Variants in KCNK13 observed in about 807,000 individuals in gnomAD.
The protein encoded by KCNK13 is potassium channel subfamily K member 13.
Under a neutral mutation model 23.4 loss-of-function variants are expected in KCNK13, and 12 were observed. That is an observed-to-expected ratio of 0.51 (90% confidence interval 0.33 to 0.83). KCNK13 has a LOEUF of 0.83. KCNK13 is among the 40% of genes least tolerant of loss of function. The probability of loss-of-function intolerance (pLI) is 0.02; values close to 1 mark genes in which losing one functional copy is unlikely to be tolerated. For missense variants in KCNK13, 463 were observed against 556.3 expected (o/e 0.83, Z 1.69); for synonymous variants, 231 against 229.5 (o/e 1.01, Z -0.06).
intron 1 of KCNK13, among the ~76,000 whole-genome samples, chr14:90,174,861 T>TTAAA (rs765847136): frequency 4.0e-5 from 6 of 151,706 alleles, no homozygotes; most frequent in African/African-American, 1.2e-4. Context: ...TTCAAAAAAA[T>TTAAA]TAAATAAATA....
At chr14:90,073,828 G>A (rs998413250) in intron 1 of KCNK13, among the ~76,000 whole-genome samples, 5 of 151,816 alleles carry the variant, frequency 3.3e-5, no homozygotes, top group African/African-American at 1.2e-4. Context: ...GTGCCACCAC[G>A]CCCAGCTAAT....
intron 1 of KCNK13, among the ~76,000 whole-genome samples, chr14:90,160,856 A>G (rs1037684245): frequency 2.6e-5 from 4 of 151,910 alleles, no homozygotes; most frequent in Non-Finnish European, 4.4e-5. Flanking sequence ...AAAAAAAAAA[A>G]AAAGAAAAAG....
At chr14:90,081,553 G>T (rs1276575017) in intron 1 of KCNK13, among the ~76,000 whole-genome samples, 1 of 152,016 alleles carries the variant, frequency 6.6e-6, no homozygotes, top group East Asian at 1.9e-4. Flanking sequence ...ACCTACTGAT[G>T]GTTCTTCTTT....
At chr14:90,178,471 G>A (rs1400560017) in intron 1 of KCNK13, among the ~76,000 whole-genome samples, 1 of 151,490 alleles carries the variant, frequency 6.6e-6, no homozygotes, top group African/African-American at 2.4e-5. Context: ...TGTATTTTTA[G>A]TAGAGGAGGG....
chr14:90,077,952 T>G (rs1192316991), intron 1 of KCNK13, among the ~76,000 whole-genome samples: 2 of 152,206 alleles, frequency 1.3e-5, no homozygotes, highest in Non-Finnish European at 2.9e-5. Context: ...ACATTTATCA[T>G]TTTCCTCAGT....
intron 1 of KCNK13, among the ~76,000 whole-genome samples, chr14:90,070,517 T>G (rs979117965): frequency 6.6e-6 from 1 of 152,260 alleles, no homozygotes; most frequent in African/African-American, 2.4e-5. Flanking sequence ...TGTCATATTT[T>G]TCATCCTTTA....
At chr14:90,072,401 GGA>G (rs777870885) in intron 1 of KCNK13, among the ~76,000 whole-genome samples, 6 of 152,138 alleles carry the variant, frequency 3.9e-5, no homozygotes, top group Admixed American at 2.0e-4. Flanking sequence ...CTTGTGCCCT[GGA>G]GAGAGCAGCC....
At chr14:90,137,325 T>A (rs1030871245) in intron 1 of KCNK13, among the ~76,000 whole-genome samples, 7 of 151,688 alleles carry the variant, frequency 4.6e-5, no homozygotes, top group Admixed American at 2.0e-4. Context: ...TTATTTATTT[T>A]TATTTATTTT....
At chr14:90,178,006 A>G (rs1281626380) in intron 1 of KCNK13, among the ~76,000 whole-genome samples, 4 of 152,166 alleles carry the variant, frequency 2.6e-5, no homozygotes, top group African/African-American at 7.2e-5. Flanking sequence ...CTGCAGACAC[A>G]CTGCAGACAC....
At chr14:90,152,489 C>T (rs1890144962) in intron 1 of KCNK13, among the ~76,000 whole-genome samples, 1 of 152,140 alleles carries the variant, frequency 6.6e-6, no homozygotes, top group Non-Finnish European at 1.5e-5. Context: ...GACCCGAGAT[C>T]GCGCCATTGC....
intron 1 of KCNK13, among the ~76,000 whole-genome samples, chr14:90,131,209 ATTAT>A (rs1237557343): frequency 5.9e-5 from 9 of 152,046 alleles, no homozygotes; most frequent in Admixed American, 2.6e-4. Flanking sequence ...TGTTATTGTT[ATTAT>A]TTATTTATTT....
chr14:90,083,450 T>C (rs1156405066), intron 1 of KCNK13, among the ~76,000 whole-genome samples: 1 of 152,240 alleles, frequency 6.6e-6, no homozygotes, highest in Non-Finnish European at 1.5e-5. Context: ...TTTTTGTGCA[T>C]GGTATGAAAC....
chr14:90,139,648 G>T (rs1285212022), intron 1 of KCNK13, among the ~76,000 whole-genome samples: 1 of 152,144 alleles, frequency 6.6e-6, no homozygotes, highest in African/African-American at 2.4e-5. Flanking sequence ...TGTTGTACGT[G>T]AGCAAGAAAA....
chr14:90,152,828 T>C (rs1890151017), intron 1 of KCNK13, among the ~76,000 whole-genome samples: 1 of 152,216 alleles, frequency 6.6e-6, no homozygotes, highest in African/African-American at 2.4e-5. Context: ...ATAAGTAACC[T>C]ATTTTAATTG....
At chr14:90,129,139 A>T (rs549882326) in intron 1 of KCNK13, among the ~76,000 whole-genome samples, 5 of 152,350 alleles carry the variant, frequency 3.3e-5, no homozygotes, top group African/African-American at 1.2e-4. Context: ...TTTTAGTCTC[A>T]ATCTTAGGTT....
At chr14:90,071,991 C>T (rs1889080888) in intron 1 of KCNK13, among the ~76,000 whole-genome samples, 1 of 152,062 alleles carries the variant, frequency 6.6e-6, no homozygotes. Flanking sequence ...AACATCTCAG[C>T]CATTAGAGGA....
intron 1 of KCNK13, among the ~76,000 whole-genome samples, chr14:90,139,971 C>CA (rs961144555): frequency 5.9e-5 from 9 of 151,566 alleles, no homozygotes; most frequent in Admixed American, 2.0e-4. Context: ...CAAAAACAAA[C>CA]AAAAAAAAAT....
At chr14:90,091,031 C>T (rs1889338391) in intron 1 of KCNK13, among the ~76,000 whole-genome samples, 1 of 152,232 alleles carries the variant, frequency 6.6e-6, no homozygotes, top group Non-Finnish European at 1.5e-5. Context: ...CTGAGTGTCA[C>T]CTGCCATTCA....
chr14:90,145,882 T>C (rs1890067240), intron 1 of KCNK13, among the ~76,000 whole-genome samples: 1 of 151,500 alleles, frequency 6.6e-6, no homozygotes, highest in African/African-American at 2.4e-5. Context: ...ATACTAGTAG[T>C]CCCAAATACT....
Sources: allele counts gnomAD v4.1 joint callset (sites outside exome capture counted in the v4.1 genomes callset), GRCh38; gene constraint gnomAD v4.1.1; transcripts MANE v1.5; gene names NCBI Gene and HGNC (gene_info 2026-07-23, HGNC 2026-07-21).